The following NR2F1-AS1 variants were observed in gnomAD, a reference collection of about 807,000 sequenced individuals.
The protein encoded by NR2F1-AS1 is NR2F1 antisense RNA 1.
chr5:93,446,485 A>T (rs1051422244), intron 4 of NR2F1-AS1, among the ~76,000 whole-genome samples: 2 of 152,222 alleles, frequency 1.3e-5, no homozygotes, highest in Middle Eastern at 3.2e-3. Context: ...CTAGGAATCC[A>T]ACTTATAAGG....
chr5:93,539,080 A>G (rs1723346804), intron 4 of NR2F1-AS1, among the ~76,000 whole-genome samples: 2 of 152,176 alleles, frequency 1.3e-5, no homozygotes, highest in South Asian at 4.1e-4. Flanking sequence ...GGAGTTCGAG[A>G]CCAACCTGGC....
chr5:93,429,977 A>C (rs937934849), intron 4 of NR2F1-AS1, among the ~76,000 whole-genome samples: 1 of 152,194 alleles, frequency 6.6e-6, no homozygotes, highest in Non-Finnish European at 1.5e-5. Flanking sequence ...AAATTTTTCT[A>C]TTCATGTTAT....
At chr5:93,480,000 A>C (rs75591279) in intron 4 of NR2F1-AS1, among the ~76,000 whole-genome samples, 2 of 152,156 alleles carry the variant, frequency 1.3e-5, no homozygotes, top group Non-Finnish European at 2.9e-5. Context: ...AGACAAAAAA[A>C]ATTAATGAAG....
chr5:93,552,092 T>C (rs1336685256), intron 4 of NR2F1-AS1, among the ~76,000 whole-genome samples: 1 of 152,168 alleles, frequency 6.6e-6, no homozygotes, highest in South Asian at 2.1e-4. Flanking sequence ...GGTATTATGC[T>C]AGAAATTGGG....
At chr5:93,584,171 CGCGGGCGG>C (rs1456849197), upstream of NR2F1-AS1, 1 of 148,938 alleles carries the variant, frequency 6.7e-6, no homozygotes, top group African/African-American at 2.4e-5. Context: ...GCGGCGGCGC[CGCGGGCGG>C]CCCCGGCCTC....
chr5:93,414,366 C>T (rs569688773), intron 4 of NR2F1-AS1, among the ~76,000 whole-genome samples: 1 of 152,230 alleles, frequency 6.6e-6, no homozygotes, highest in East Asian at 1.9e-4. Flanking sequence ...TTTTTTCAGG[C>T]CCTCCTGATA....
At chr5:93,489,754 CAT>C (rs986950599) in intron 4 of NR2F1-AS1, among the ~76,000 whole-genome samples, 3 of 152,152 alleles carry the variant, frequency 2.0e-5, no homozygotes, top group African/African-American at 7.2e-5. Flanking sequence ...GTCTCAAGTA[CAT>C]GTTTGGGGCT....
chr5:93,551,237 G>A (rs906860162), intron 4 of NR2F1-AS1, among the ~76,000 whole-genome samples: 7 of 151,754 alleles, frequency 4.6e-5, no homozygotes, highest in African/African-American at 1.2e-4. Flanking sequence ...TAGAAAATAC[G>A]CCACTCATTC....
At chr5:93,557,669 AC>A (rs1199332732) in intron 2 of NR2F1-AS1, among the ~76,000 whole-genome samples, 1 of 152,130 alleles carries the variant, frequency 6.6e-6, no homozygotes, top group Non-Finnish European at 1.5e-5. Flanking sequence ...ATGACTGCTG[AC>A]TGATCAAGGT....
At chr5:93,519,743 G>T (rs150608265) in intron 4 of NR2F1-AS1, among the ~76,000 whole-genome samples, 167 of 152,040 alleles carry the variant, frequency 1.1e-3, no homozygotes, top group African/African-American at 3.8e-3. Context: ...TTGATTCCAA[G>T]AAATGTGTGA....
intron 4 of NR2F1-AS1, among the ~76,000 whole-genome samples, chr5:93,433,514 A>G (rs1312633265): frequency 6.6e-6 from 1 of 152,234 alleles, no homozygotes; most frequent in Non-Finnish European, 1.5e-5. Context: ...ACATTGCTTA[A>G]CAACAGGGAT....
intron 4 of NR2F1-AS1, among the ~76,000 whole-genome samples, chr5:93,494,814 T>A (rs1750924756): frequency 1.3e-5 from 2 of 152,122 alleles, no homozygotes; most frequent in South Asian, 4.1e-4. Context: ...GCAGTATTAT[T>A]CATAACAGCA....
At chr5:93,482,064 A>C (rs1750611703) in intron 4 of NR2F1-AS1, among the ~76,000 whole-genome samples, 1 of 152,148 alleles carries the variant, frequency 6.6e-6, no homozygotes, top group Admixed American at 6.5e-5. Flanking sequence ...AAAAGATAAA[A>C]CAGAAAGGAG....
chr5:93,442,854 G>T (rs750010144), intron 4 of NR2F1-AS1, among the ~76,000 whole-genome samples: 12 of 152,180 alleles, frequency 7.9e-5, no homozygotes, highest in Admixed American at 5.2e-4. Context: ...TCCAGAGGAA[G>T]GATCAGGCAG....
intron 1 of NR2F1-AS1, among the ~76,000 whole-genome samples, chr5:93,573,047 G>T (rs1010186732): frequency 1.3e-5 from 2 of 152,212 alleles, no homozygotes; most frequent in Admixed American, 1.3e-4. Flanking sequence ...CTAGACCCGC[G>T]GCCTCAAGCG....
intron 4 of NR2F1-AS1, among the ~76,000 whole-genome samples, chr5:93,448,200 A>G (rs1345280199): frequency 1.3e-5 from 2 of 152,196 alleles, no homozygotes; most frequent in African/African-American, 4.8e-5. Context: ...AAGTATAAAA[A>G]AAAAATGCTT....
intron 4 of NR2F1-AS1, among the ~76,000 whole-genome samples, chr5:93,427,576 C>T (rs1024097184): frequency 1.3e-5 from 2 of 152,136 alleles, no homozygotes; most frequent in African/African-American, 4.8e-5. Context: ...TCCTAGTCCA[C>T]CTGTCCCTAC....
At chr5:93,506,650 G>A (rs535624842) in intron 4 of NR2F1-AS1, among the ~76,000 whole-genome samples, 6 of 152,182 alleles carry the variant, frequency 3.9e-5, no homozygotes, top group East Asian at 3.9e-4. Flanking sequence ...ACTTAGTCTC[G>A]TGATAAACCC....
intron 4 of NR2F1-AS1, among the ~76,000 whole-genome samples, chr5:93,417,786 A>T (rs1262974454): frequency 6.6e-6 from 1 of 152,194 alleles, no homozygotes; most frequent in Non-Finnish European, 1.5e-5. Flanking sequence ...GGAAACATGT[A>T]CAAGATATGA....
Sources: gnomAD v4.1 joint callset for allele counts (sites outside exome capture counted in the v4.1 genomes callset) on GRCh38, gnomAD v4.1.1 for gene constraint, MANE v1.5 for transcripts, NCBI Gene and HGNC (gene_info 2026-07-23, HGNC 2026-07-21) for gene names.